CDC42BPB: variants seen among roughly 807,000 people sequenced by gnomAD.
The protein encoded by CDC42BPB is CDC42 binding protein kinase beta, also known as serine/threonine-protein kinase MRCK beta.
In CDC42BPB, 37 loss-of-function variants were observed where a neutral mutation model predicts 214.9. That is an observed-to-expected ratio of 0.17 (90% CI 0.13 to 0.23). CDC42BPB has a LOEUF of 0.23. Ranked by LOEUF, CDC42BPB falls within the 10% of genes least tolerant of loss-of-function variation. The pLI is 1.00. For missense variants in CDC42BPB, 1,694 were observed against 2,227.0 expected, an observed-to-expected ratio of 0.76 and a Z score of 4.82; for synonymous variants, 931 against 884.0, an observed-to-expected ratio of 1.05 and a Z score of -0.94.
In CDC42BPB at chr14:102,944,602, C is replaced by G. The variant is rs758265597; in HGVS notation, c.3812-115G>C. 77 of 1,478,198 alleles carry G rather than the reference C, an allele frequency of 5.2e-5. No individual in the cohort carries two copies. Among genetic ancestry groups the G allele is most frequent in the Non-Finnish European group, 6.9e-5 (77 of 1,116,596 alleles). 91.6% of individuals were successfully genotyped at this position (1,478,198 alleles called of 1,614,324 possible). The stretch of plus-strand genomic sequence containing the variant: ...ACTCTGGGGCCCTCCCCTGGGCTCC[C>G]TTCCTGTGTGCACAGCCTGAGCCCG... On this transcript the variant is annotated intron_variant, in intron 29 of 36. Coordinates refer to ENST00000361246, the MANE Select transcript of CDC42BPB (RefSeq NM_006035.4). The surrounding 1 kb of genome is among the most constrained non-coding windows in gnomAD (Gnocchi z 6.6).
At position 103,015,826 on chromosome 14, in the gene CDC42BPB, A is replaced by G. The variant is rs544211300; in HGVS notation, c.176-3638T>C. Among the ~76,000 whole-genome samples, 11 of 151,928 alleles carry G rather than the reference A, an allele frequency of 7.2e-5. No homozygotes were observed. The East Asian group carries it at 2.1e-3, about 29-fold the overall frequency. ...TGGGTTCAAGCGATTCTCCTGCTTC[A>G]GCCTCCCGAGTAGCCGGGATTACAG... On this transcript the variant is annotated intron_variant, in intron 1 of 36. Coordinates refer to ENST00000361246, the MANE Select transcript of CDC42BPB (RefSeq NM_006035.4).
chr14:103,018,404 T>C (rs1432139833), intron 1 of CDC42BPB, among the ~76,000 whole-genome samples: 1 of 152,216 alleles, frequency 6.6e-6, no homozygotes, highest in Non-Finnish European at 1.5e-5. Flanking sequence ...TGTTGCTATT[T>C]GGAAAACTTA....
chr14:103,016,316 C>T (rs963661426), intron 1 of CDC42BPB, among the ~76,000 whole-genome samples: 6 of 152,114 alleles, frequency 3.9e-5, no homozygotes, highest in African/African-American at 1.2e-4. Context: ...TAGGAGGGAG[C>T]GGGCAGGAAG....
intron 1 of CDC42BPB, 95 bp downstream of exon 1, chr14:103,056,904 G>A (rs891219528): frequency 2.1e-5 from 18 of 877,202 alleles, no homozygotes; most frequent in East Asian, 1.7e-4. Flanking sequence ...GGGCGGCAGG[G>A]TCTGTCCGGG....
intron 1 of CDC42BPB, among the ~76,000 whole-genome samples, chr14:103,026,984 C>G (rs970665746): frequency 2.6e-5 from 4 of 152,054 alleles, no homozygotes; most frequent in Non-Finnish European, 4.4e-5. Flanking sequence ...CCAACTCACT[C>G]ATAAAGACAA....
At chr14:102,966,653 C>CGTA in intron 17 of CDC42BPB, 1 of 290,534 alleles carries the variant, frequency 3.4e-6, no homozygotes, top group African/African-American at 2.3e-5. Context: ...ATACCTACTA[C>CGTA]GCACCCACAA....
intron 1 of CDC42BPB, among the ~76,000 whole-genome samples, chr14:103,047,049 G>A (rs1888328305): frequency 6.6e-6 from 1 of 151,336 alleles, no homozygotes; most frequent in South Asian, 2.1e-4. Flanking sequence ...ACTCTGGGAG[G>A]CCAAGGCGGG....
intron 1 of CDC42BPB, among the ~76,000 whole-genome samples, chr14:103,054,840 G>C (rs1022293213): frequency 5.3e-5 from 8 of 152,214 alleles, no homozygotes; most frequent in African/African-American, 1.7e-4. Context: ...GTTTAGATTT[G>C]GAAAGGCCAG....
intron 4 of CDC42BPB, among the ~76,000 whole-genome samples, chr14:103,003,251 T>C (rs536840743): frequency 1.3e-5 from 2 of 152,284 alleles, no homozygotes; most frequent in Admixed American, 6.5e-5. Context: ...AGAGTCACTC[T>C]AGGAATAAAA....
At chr14:102,987,812 C>CAG (rs1403280831) in intron 5 of CDC42BPB, among the ~76,000 whole-genome samples, 1 of 151,636 alleles carries the variant, frequency 6.6e-6, no homozygotes, top group Non-Finnish European at 1.5e-5. Context: ...CACACACACA[C>CAG]ACACACACAC....
intron 34 of CDC42BPB, 86 bp downstream of exon 34, chr14:102,939,524 T>G: frequency 1.0e-6 from 1 of 965,574 alleles, no homozygotes; most frequent in Non-Finnish European, 1.7e-6. Flanking sequence ...GGCACTGCCT[T>G]TGGGACAGTC....
chr14:102,981,043 C>A (rs375206673), intron 7 of CDC42BPB, 22 bp from the exon 8 acceptor site: 3 of 1,613,722 alleles, frequency 1.9e-6, no homozygotes, highest in Non-Finnish European at 2.5e-6. Flanking sequence ...GGCAAAAACA[C>A]CGGTGGACAG....
chr14:102,983,589 G>A lies in CDC42BPB; in HGVS notation c.858C>T (p.Leu286=), dbSNP rs201252852. 9.0e-5 allele frequency: 144 copies of A among 1,608,246 alleles called. No individual in the cohort carries two copies. The highest frequency in any genetic ancestry group is 4.5e-4 in the Admixed American group (27 of 59,904). Residue 286 remains leucine (L), a synonymous_variant, in exon 7 of 37, where the codon CTC becomes CTT. Coordinates refer to ENST00000361246, the MANE Select transcript of CDC42BPB (RefSeq NM_006035.4). The part of the protein sequence containing the change: ...YGETPFYAES[L]VETYGKIMNH... ...TCATGATCTTCCCATAGGTCTCCAC[G>A]AGTGACTCCGCATAAAACGGCGTTT...
chr14:102,976,397 G>A (rs549356778), intron 9 of CDC42BPB, among the ~76,000 whole-genome samples: 2 of 152,218 alleles, frequency 1.3e-5, no homozygotes, highest in Non-Finnish European at 2.9e-5. Context: ...GCAGGTCAGC[G>A]GTACGCATGG....
intron 1 of CDC42BPB, among the ~76,000 whole-genome samples, chr14:103,032,576 A>G (rs1160929757): frequency 1.3e-5 from 2 of 150,136 alleles, no homozygotes; most frequent in African/African-American, 2.4e-5. Context: ...AAGAGCTTAC[A>G]GATTAAAAGA....
intron 1 of CDC42BPB, among the ~76,000 whole-genome samples, chr14:103,039,038 G>A (rs1185151478): frequency 2.0e-5 from 3 of 151,844 alleles, no homozygotes; most frequent in African/African-American, 4.8e-5. Context: ...TGAAATGGAC[G>A]AATTTATAAA....
intron 1 of CDC42BPB, among the ~76,000 whole-genome samples, chr14:103,049,783 G>A (rs914500771): frequency 1.3e-5 from 2 of 152,180 alleles, no homozygotes; most frequent in Non-Finnish European, 2.9e-5. Context: ...GCACAATCTC[G>A]GCTCACTGCA....
chr14:102,962,229 T>C (rs1892994223), intron 20 of CDC42BPB, among the ~76,000 whole-genome samples: 1 of 152,230 alleles, frequency 6.6e-6, no homozygotes, highest in Admixed American at 6.5e-5. Context: ...GCACAGCCTC[T>C]GGAGGCCTGT....
chr14:103,006,015 C>CAAAAA lies in CDC42BPB; in HGVS notation c.352-1997_352-1993dup, dbSNP rs1172933917. Among the ~76,000 whole-genome samples, 105 of 58,042 alleles carry CAAAAA rather than the reference C, an allele frequency of 1.8e-3. 1 individual carries two copies. The highest frequency in any genetic ancestry group is 4.7e-3 in the African/African-American group (86 of 18,216). The allele number at this position is 58,042 out of a possible 152,430, so 38.1% of individuals were successfully genotyped here. A position where few individuals can be genotyped will look rare whatever the true frequency, so the allele number is the denominator to read the frequency against. On this transcript the variant is annotated intron_variant, in intron 3 of 36. Coordinates refer to ENST00000361246, the MANE Select transcript of CDC42BPB (RefSeq NM_006035.4). Reference sequence around the variant, plus strand: ...GCCTGGGCGACAGGGAGAGACGTCTCAAAAAAAAAAAAAAAAAAAAGATGG... The same window carrying CAAAAA: ...GCCTGGGCGACAGGGAGAGACGTCTCAAAAAAAAAAAAAAAAAAAAAAAAAGATGG...
Sources: allele counts gnomAD v4.1 joint callset (sites outside exome capture counted in the v4.1 genomes callset), GRCh38; gene constraint gnomAD v4.1.1; non-coding constraint Gnocchi (gnomAD v3.1); transcripts MANE v1.5; gene names NCBI Gene and HGNC (gene_info 2026-07-23, HGNC 2026-07-21).